The following CFAP92 variants were observed in gnomAD, a reference collection of about 807,000 sequenced individuals.
CFAP92 encodes cilia and flagella associated protein 92 (putative), also known as uncharacterized protein CFAP92.
In CFAP92, 86 loss-of-function variants were observed where a neutral mutation model predicts 106.3. That is an observed-to-expected ratio of 0.81 (90% CI 0.68 to 0.97). CFAP92 has a LOEUF of 0.97. CFAP92 is among the 50% of genes least tolerant of loss of function. The pLI, the probability that CFAP92 is intolerant of heterozygous loss-of-function variation, is 0.00. For missense variants in CFAP92, 1,204 were observed against 1,283.8 expected, an observed-to-expected ratio of 0.94 and a Z score of 0.95; for synonymous variants, 477 against 506.4, an observed-to-expected ratio of 0.94 and a Z score of 0.78.
At chr3:129,000,920 T>A (rs1944698770) in intron 1 of CFAP92, among the ~76,000 whole-genome samples, 1 of 152,210 alleles carries the variant, frequency 6.6e-6, no homozygotes, top group Non-Finnish European at 1.5e-5. Flanking sequence ...CCCTTGCCTC[T>A]CCAAGCCTGT....
intron 2 of CFAP92, among the ~76,000 whole-genome samples, chr3:128,991,241 A>G (rs1225982240): frequency 2.0e-5 from 3 of 152,196 alleles, no homozygotes; most frequent in African/African-American, 7.2e-5. Context: ...CTTTTGCTTT[A>G]TAGCAATAGA....
the CFAP92 span, among the ~76,000 whole-genome samples, chr3:129,016,090 A>C: frequency 1.3e-5 from 2 of 152,178 alleles, no homozygotes; most frequent in African/African-American, 2.4e-5. Flanking sequence ...TTCCAGAATA[A>C]ACTGAGCCCA....
At chr3:129,019,764 C>CTTTTTTTTTT in the CFAP92 span, among the ~76,000 whole-genome samples, 3 of 107,422 alleles carry the variant, frequency 2.8e-5, no homozygotes, top group Non-Finnish European at 5.7e-5. Context: ...ATTAAATTTA[C>CTTTTTTTTTT]TTTTTTTTTT....
intron 1 of CFAP92, 30 bp from the exon 2 acceptor site, chr3:128,993,366 G>T (rs1360182539): frequency 5.2e-6 from 8 of 1,548,554 alleles, no homozygotes; most frequent in Non-Finnish European, 7.0e-6. Context: ...GGCTGTCCCC[G>T]CCTGTATTCC....
At chr3:129,008,380 C>G in the CFAP92 span, among the ~76,000 whole-genome samples, 31,934 of 152,120 alleles carry the variant, frequency 0.21, 3,678 homozygotes, top group Middle Eastern at 0.28. Context: ...TTGGAGGTCT[C>G]CTCTTCTTGA....
intron 10 of CFAP92, among the ~76,000 whole-genome samples, chr3:128,943,407 A>T (rs750364757): frequency 6.6e-6 from 1 of 151,928 alleles, no homozygotes; most frequent in Non-Finnish European, 1.5e-5. Context: ...CGGCCTACCT[A>T]TCTCTATGGA....
the CFAP92 span, among the ~76,000 whole-genome samples, chr3:129,008,877 T>A: frequency 6.6e-6 from 1 of 152,114 alleles, no homozygotes; most frequent in Non-Finnish European, 1.5e-5. Context: ...GATCCTGCTT[T>A]CCCACAGCTG....
At chr3:128,973,928 G>C (rs536136686) in intron 7 of CFAP92, among the ~76,000 whole-genome samples, 1 of 152,350 alleles carries the variant, frequency 6.6e-6, no homozygotes, top group East Asian at 1.9e-4. Flanking sequence ...ATATGTAGTT[G>C]TTGCATTTTC....
Sources: allele counts gnomAD v4.1 joint callset (sites outside exome capture counted in the v4.1 genomes callset), GRCh38; gene constraint gnomAD v4.1.1; transcripts MANE v1.5; gene names NCBI Gene and HGNC (gene_info 2026-07-23, HGNC 2026-07-21).